Variants in PLXDC2 observed in about 807,000 individuals in gnomAD.
PLXDC2 encodes the protein plexin domain-containing protein 2.
A neutral mutation model predicts 68.9 loss-of-function variants in PLXDC2; 40 were observed. That is an observed-to-expected ratio of 0.58 (90% confidence interval 0.45 to 0.76). PLXDC2 has a LOEUF of 0.76. Ranked by LOEUF, PLXDC2 falls within the 30% of genes least tolerant of loss-of-function variation. The pLI is 0.00. For missense variants in PLXDC2, 644 were observed against 661.9 expected (o/e 0.97, Z 0.30); for synonymous variants, 243 against 234.2 (o/e 1.04, Z -0.34).
intron 2 of PLXDC2, among the ~76,000 whole-genome samples, chr10:20,033,536 G>C (rs1212784278): frequency 6.6e-6 from 1 of 152,186 alleles, no homozygotes; most frequent in Non-Finnish European, 1.5e-5. Flanking sequence ...ACATGGCTGA[G>C]GAAGCCTCAC....
At position 20,031,856 on chromosome 10, in the gene PLXDC2, C is replaced by CA. The variant is rs369635153; in HGVS notation, c.325-15012dup. On this transcript the variant is annotated intron_variant, in intron 2 of 13. Coordinates refer to ENST00000377252, the MANE Select transcript of PLXDC2 (RefSeq NM_032812.9). ...TATTTATTATTTTGAGATGGAGTCT[C>CA]ACTCTGTCACTCATGCTGGAGTGCA... Among the ~76,000 whole-genome samples, 365 of 152,044 alleles carry CA rather than the reference C, an allele frequency of 2.4e-3. 2 individuals are homozygous for CA. Among genetic ancestry groups the CA allele is most frequent in the African/African-American group, 8.3e-3 (346 of 41,460 alleles).
chr10:20,210,522 C>T (rs1835055065), intron 9 of PLXDC2, among the ~76,000 whole-genome samples: 1 of 152,106 alleles, frequency 6.6e-6, no homozygotes. Flanking sequence ...TCAAGGAAGA[C>T]AGTATGAGTG....
At chr10:19,948,239 A>G (rs1248713774) in intron 1 of PLXDC2, among the ~76,000 whole-genome samples, 7 of 152,166 alleles carry the variant, frequency 4.6e-5, no homozygotes, top group Non-Finnish European at 2.9e-5. Flanking sequence ...GAAGGTAAAA[A>G]TGAATAGAGC....
At chr10:20,191,137 A>T (rs1834759099) in intron 9 of PLXDC2, among the ~76,000 whole-genome samples, 1 of 152,030 alleles carries the variant, frequency 6.6e-6, no homozygotes, top group African/African-American at 2.4e-5. Context: ...AAGTTAATAT[A>T]TATTATTAGG....
At chr10:19,855,771 A>G (rs1483017302) in intron 1 of PLXDC2, among the ~76,000 whole-genome samples, 2 of 152,144 alleles carry the variant, frequency 1.3e-5, no homozygotes, top group African/African-American at 4.8e-5. Context: ...AGTGCCTACA[A>G]CAAAGCAAGT....
intron 12 of PLXDC2, among the ~76,000 whole-genome samples, chr10:20,225,468 T>G (rs945555858): frequency 1.3e-5 from 2 of 152,158 alleles, no homozygotes; most frequent in African/African-American, 4.8e-5. Context: ...ATCTATCACT[T>G]TCTGTTTTTA....
intron 4 of PLXDC2, among the ~76,000 whole-genome samples, chr10:20,075,900 A>G (rs1021277859): frequency 2.0e-5 from 3 of 152,162 alleles, no homozygotes; most frequent in African/African-American, 4.8e-5. Context: ...ACTGATTGCT[A>G]GTGCTAGAAT....
intron 3 of PLXDC2, among the ~76,000 whole-genome samples, chr10:20,055,559 G>T (rs1320157284): frequency 3.3e-5 from 5 of 152,008 alleles, no homozygotes; most frequent in African/African-American, 4.8e-5. Flanking sequence ...CAAACAGTAG[G>T]TTGCTTTTTA....
intron 3 of PLXDC2, among the ~76,000 whole-genome samples, chr10:20,047,867 A>T (rs779611435): frequency 5.9e-5 from 9 of 152,162 alleles, no homozygotes; most frequent in Non-Finnish European, 1.0e-4. Context: ...TAACCTAGGT[A>T]GCAAAGCTGA....
intron 2 of PLXDC2, among the ~76,000 whole-genome samples, chr10:20,022,511 G>T (rs942266715): frequency 3.9e-5 from 6 of 152,118 alleles, no homozygotes; most frequent in African/African-American, 1.4e-4. Flanking sequence ...CATTTCTTTG[G>T]AACCTGATGT....
At chr10:19,878,751 G>T (rs535035556) in intron 1 of PLXDC2, among the ~76,000 whole-genome samples, 138 of 152,238 alleles carry the variant, frequency 9.1e-4, no homozygotes, top group African/African-American at 2.5e-3. Context: ...AAATCATTTT[G>T]TGTCTTTTTT....
chr10:20,228,784 T>G (rs1458188020), intron 12 of PLXDC2, among the ~76,000 whole-genome samples: 1 of 151,828 alleles, frequency 6.6e-6, no homozygotes, highest in African/African-American at 2.4e-5. Context: ...ACAGAAAAGT[T>G]TGGTATCACA....
intron 1 of PLXDC2, among the ~76,000 whole-genome samples, chr10:19,982,802 A>G (rs1159044725): frequency 1.3e-5 from 2 of 152,188 alleles, no homozygotes; most frequent in Non-Finnish European, 2.9e-5. Context: ...AATAAACTAA[A>G]TAACCTTCAT....
chr10:20,043,633 C>A (rs1835724275), intron 2 of PLXDC2, among the ~76,000 whole-genome samples: 1 of 152,002 alleles, frequency 6.6e-6, no homozygotes, highest in South Asian at 2.1e-4. Context: ...TTTGCAGCAT[C>A]ATAAAATCTG....
chr10:20,085,495 A>T (rs1833179629), intron 4 of PLXDC2, among the ~76,000 whole-genome samples: 1 of 152,224 alleles, frequency 6.6e-6, no homozygotes, highest in Admixed American at 6.5e-5. Context: ...GAATTTGCAT[A>T]GCATCCACAT....
At chr10:20,024,052 C>T (rs979957319) in intron 2 of PLXDC2, among the ~76,000 whole-genome samples, 1 of 152,120 alleles carries the variant, frequency 6.6e-6, no homozygotes. Context: ...TATTGGTCTG[C>T]AGAATAGGAA....
chr10:20,269,845 C>A (rs1835913153), intron 13 of PLXDC2, among the ~76,000 whole-genome samples: 1 of 151,812 alleles, frequency 6.6e-6, no homozygotes, highest in Non-Finnish European at 1.5e-5. Context: ...TGGTGAAATC[C>A]CGTTTCTATT....
intron 1 of PLXDC2, among the ~76,000 whole-genome samples, chr10:19,932,918 G>A (rs1833664472): frequency 1.3e-5 from 2 of 152,158 alleles, no homozygotes; most frequent in Non-Finnish European, 1.5e-5. Flanking sequence ...CAGGGGACGG[G>A]ATTTGGCATG....
intron 13 of PLXDC2, among the ~76,000 whole-genome samples, chr10:20,249,702 T>C (rs1448820040): frequency 1.3e-5 from 2 of 152,196 alleles, no homozygotes; most frequent in Non-Finnish European, 2.9e-5. Context: ...TTTTACCGTG[T>C]AAGGTAACAT....
Sources: gnomAD v4.1 joint callset for allele counts (sites outside exome capture counted in the v4.1 genomes callset) on GRCh38, gnomAD v4.1.1 for gene constraint, MANE v1.5 for transcripts, NCBI Gene and HGNC (gene_info 2026-07-23, HGNC 2026-07-21) for gene names.